The following CPNE9 variants were observed in gnomAD, a reference collection of about 807,000 sequenced individuals.
CPNE9 encodes the protein copine-9.
In CPNE9, 59 loss-of-function variants were observed where a neutral mutation model predicts 83.0. That is an observed-to-expected ratio of 0.71 (90% CI 0.58 to 0.88). The LOEUF is 0.88. Among genes scored for constraint, CPNE9 ranks in the 40% least tolerant of loss-of-function variants. CPNE9 has a pLI of 0.00. For synonymous variants in CPNE9, 256 were observed against 273.4 expected, an observed-to-expected ratio of 0.94 and a Z score of 0.63; for missense variants, 619 against 720.8, an observed-to-expected ratio of 0.86 and a Z score of 1.62.
intron 18 of CPNE9, 101 bp downstream of exon 18, chr3:9,726,152 T>A: frequency 1.5e-6 from 1 of 683,996 alleles, no homozygotes; most frequent in East Asian, 3.0e-5. Flanking sequence ...AGCCTGCCAG[T>A]TTCATGGATG....
intron 10 of CPNE9, among the ~76,000 whole-genome samples, chr3:9,714,654 A>C (rs1484204634): frequency 1.6e-4 from 24 of 148,272 alleles, no homozygotes; most frequent in African/African-American, 6.0e-4. Flanking sequence ...AAAAAAAAAA[A>C]AAAAAAAAAA....
chr3:9,725,712 A>T (rs1017454130), intron 17 of CPNE9, among the ~76,000 whole-genome samples: 2 of 148,666 alleles, frequency 1.3e-5, no homozygotes, highest in Admixed American at 6.8e-5. Context: ...ATATGTGTAT[A>T]TATGTGTATA....
At chr3:9,715,597 A>G in intron 13 of CPNE9, 71 bp downstream of exon 13, 1 of 1,322,936 alleles carries the variant, frequency 7.6e-7, no homozygotes, top group Admixed American at 1.7e-5. Context: ...CAGCATGGCA[A>G]ATATCGAGGG....
At chr3:9,711,327 C>T (rs889563268) in intron 7 of CPNE9, among the ~76,000 whole-genome samples, 9 of 151,948 alleles carry the variant, frequency 5.9e-5, no homozygotes, top group African/African-American at 2.2e-4. Context: ...CTCAGCCTCC[C>T]GAGTAGCTGG....
chr3:9,728,421 C>T (rs1020323950), intron 20 of CPNE9, among the ~76,000 whole-genome samples: 12 of 151,990 alleles, frequency 7.9e-5, no homozygotes, highest in African/African-American at 2.7e-4. Context: ...GTCAGGAGTT[C>T]GAAACCAGCC....
intron 10 of CPNE9, among the ~76,000 whole-genome samples, chr3:9,714,506 T>C (rs1404220862): frequency 6.6e-6 from 1 of 152,226 alleles, no homozygotes; most frequent in South Asian, 2.1e-4. Context: ...CTTTTTTTTT[T>C]TTGTATCTCA....
intron 10 of CPNE9, among the ~76,000 whole-genome samples, chr3:9,714,275 G>T (rs1364593089): frequency 3.3e-5 from 5 of 152,116 alleles, no homozygotes; most frequent in African/African-American, 4.8e-5. Context: ...TGTATAGTTA[G>T]GTGGCTAAAG....
chr3:9,723,915 T>G (rs1380978606), intron 17 of CPNE9, among the ~76,000 whole-genome samples: 1 of 147,990 alleles, frequency 6.8e-6, no homozygotes, highest in Non-Finnish European at 1.5e-5. Context: ...TTCAATACAG[T>G]ACTGTCCAAT....
rs1385724245 is a variant in CPNE9, at chr3:9,703,912, T to G, written c.-85T>G. On this transcript the variant is annotated 5_prime_UTR_variant, in exon 1 of 21. It removes an upstream start codon present in the reference 5' UTR. Transcript: ENST00000383832. ...CCGCCGCCGCCGACACCGCGGCACA[T>G]GGGCCGGCCCCGCCGCTGCCGTCGC... The G allele has an allele frequency of 8.5e-6, 10 of 1,176,600 alleles. No individual in the cohort carries two copies. Among genetic ancestry groups the G allele is most frequent in the Non-Finnish European group, 1.2e-5 (10 of 865,690 alleles). 72.9% of individuals were successfully genotyped at this position (1,176,600 alleles called of 1,614,324 possible).
chr3:9,714,837 G>A (rs879420660), intron 10 of CPNE9, 77 bp from the exon 11 acceptor site: 10 of 1,207,276 alleles, frequency 8.3e-6, no homozygotes, highest in Non-Finnish European at 1.1e-5. Flanking sequence ...GAGATGATAT[G>A]TGTGTGGTTA....
intron 20 of CPNE9, among the ~76,000 whole-genome samples, chr3:9,728,306 A>G (rs2076801234): frequency 6.6e-6 from 1 of 152,208 alleles, no homozygotes; most frequent in African/African-American, 2.4e-5. Context: ...TGGACAACAT[A>G]GCAAGACCTG....
In CPNE9 at chr3:9,703,953, C is replaced by G. The variant is rs1020669483; in HGVS notation, c.-44C>G. 1 of 1,544,444 alleles carries G rather than the reference C, an allele frequency of 6.5e-7. No individual in the cohort carries two copies. Among genetic ancestry groups the G allele is most frequent in the African/African-American group, 1.4e-5 (1 of 73,138 alleles). On this transcript the variant is annotated 5_prime_UTR_variant, in exon 1 of 21. Transcript: ENST00000383832. ...CTGCCGTCGCCCCTAGCCCCAGCAG[C>G]CCTGGTCTCGCAGCCTCCTGCGGCT...
At chr3:9,726,610 T>TC (rs1559646842) in intron 18 of CPNE9, 55 bp from the exon 19 acceptor site, 25 of 1,385,588 alleles carry the variant, frequency 1.8e-5, no homozygotes, top group Non-Finnish European at 2.6e-5. Flanking sequence ...CTCCCAACAG[T>TC]CACCTCCCTA....
rs755080254 is a variant in CPNE9 at position 9,718,607 on chromosome 3, GGGAACTGGGT to G, written c.1241+10_1241+19del. 1,071 of 1,611,716 alleles carry G rather than the reference GGGAACTGGGT, an allele frequency of 6.6e-4. 9 individuals carry two copies. The highest frequency in any genetic ancestry group is 1.5e-4 in the Non-Finnish European group (175 of 1,178,316). On this transcript the variant is annotated splice_donor_region_variant and intron_variant, in intron 17 of 20. Transcript: ENST00000383832. ...TGTCATCAACCAAGTGGCCAGGTAA[GGGAACTGGGT>G]GGAAGCTGGGGGAAATGAGGGGACC...
At chr3:9,723,475 A>AAAAAAAAG (rs2076751275) in intron 17 of CPNE9, among the ~76,000 whole-genome samples, 1 of 152,086 alleles carries the variant, frequency 6.6e-6, no homozygotes, top group African/African-American at 2.4e-5. Flanking sequence ...CTGTCTCAAA[A>AAAAAAAAG]AAAAAAAGAA....
intron 7 of CPNE9, among the ~76,000 whole-genome samples, chr3:9,710,159 G>A (rs971927629): frequency 4.6e-5 from 7 of 151,910 alleles, no homozygotes; most frequent in South Asian, 4.2e-4. Flanking sequence ...CAAAAAAAAA[G>A]GGAAAATTAT....
chr3:9,714,141 C>T (rs2076656050), intron 10 of CPNE9, among the ~76,000 whole-genome samples: 1 of 151,956 alleles, frequency 6.6e-6, no homozygotes, highest in African/African-American at 2.4e-5. Flanking sequence ...TGGATGGGCA[C>T]ATAGATGAGT....
At chr3:9,712,635 G>C (rs763934079) in intron 8 of CPNE9, 31 bp downstream of exon 8, 1 of 1,611,180 alleles carries the variant, frequency 6.2e-7, no homozygotes, top group Non-Finnish European at 8.5e-7. Context: ...AGACCCAGGA[G>C]CTCCCTTCTC....
intron 17 of CPNE9, among the ~76,000 whole-genome samples, chr3:9,722,267 G>A (rs936780939): frequency 3.3e-5 from 5 of 151,966 alleles, no homozygotes; most frequent in African/African-American, 1.2e-4. Context: ...ATAGAATGGC[G>A]GTGAGGATTA....
Sources: gnomAD v4.1 joint callset for allele counts (sites outside exome capture counted in the v4.1 genomes callset) on GRCh38, gnomAD v4.1.1 for gene constraint, MANE v1.5 for transcripts, NCBI Gene and HGNC (gene_info 2026-07-23, HGNC 2026-07-21) for gene names.